MOK: variants seen among roughly 807,000 people sequenced by gnomAD.
MOK encodes MOK protein kinase.
A neutral mutation model predicts 54.2 loss-of-function variants in MOK; 59 were observed. The ratio of observed to expected loss-of-function variants is 1.09; its 90% CI spans 0.88 to 1.35. The LOEUF is 1.35. Among genes scored for constraint, MOK ranks in the 40% most tolerant of loss-of-function variants. The probability of loss-of-function intolerance (pLI) is 0.00; values close to 1 mark genes in which losing one functional copy is unlikely to be tolerated. For synonymous variants in MOK, 210 were observed against 202.7 expected, an observed-to-expected ratio of 1.04 and a Z score of -0.31; for missense variants, 517 against 526.2, an observed-to-expected ratio of 0.98 and a Z score of 0.17.
intron 1 of MOK, among the ~76,000 whole-genome samples, chr14:102,303,979 TA>T (rs1257035025): frequency 6.6e-6 from 1 of 152,258 alleles, no homozygotes; most frequent in African/African-American, 2.4e-5. Flanking sequence ...GCACTGTAAG[TA>T]AAAGTGTAAA....
downstream of MOK, among the ~76,000 whole-genome samples, chr14:102,227,805 G>T (rs1019102720): frequency 6.6e-6 from 1 of 152,138 alleles, no homozygotes; most frequent in African/African-American, 2.4e-5. Context: ...CATCTCCTGC[G>T]GCCCCGCTGT....
At chr14:102,278,223 T>A (rs1324143054) in intron 2 of MOK, among the ~76,000 whole-genome samples, 3 of 152,134 alleles carry the variant, frequency 2.0e-5, no homozygotes, top group African/African-American at 7.2e-5. Context: ...CCAGACAGAA[T>A]ACAGTATAAT....
chr14:102,215,835 T>A, the MOK span, among the ~76,000 whole-genome samples: 6 of 152,202 alleles, frequency 3.9e-5, no homozygotes, highest in Non-Finnish European at 8.8e-5. Context: ...TGATTTACAT[T>A]GTCTTACTAT....
chr14:102,283,394 T>C (rs2069675669), intron 2 of MOK, 84 bp downstream of exon 2: 2 of 798,294 alleles, frequency 2.5e-6, no homozygotes, highest in South Asian at 1.9e-5. Context: ...ATTAAATTAA[T>C]AAAGCTCCCC....
downstream of MOK, chr14:102,226,177 C>T: frequency 1.7e-6 from 1 of 599,816 alleles, no homozygotes. This position sits in a 1 kb window ranked among gnomAD's most constrained non-coding sequence, Gnocchi z 4.8. Flanking sequence ...ACTGCTTCTC[C>T]CTGCAAGGCC....
At chr14:102,268,669 A>G (rs2068102417) in intron 2 of MOK, among the ~76,000 whole-genome samples, 1 of 152,168 alleles carries the variant, frequency 6.6e-6, no homozygotes, top group Admixed American at 6.6e-5. Context: ...TAATCCCAGC[A>G]CTTTGGGAGG....
intron 1 of MOK, among the ~76,000 whole-genome samples, chr14:102,297,686 G>T (rs2071592902): frequency 6.6e-6 from 1 of 152,196 alleles, no homozygotes; most frequent in South Asian, 2.1e-4. Flanking sequence ...GGTGTGGAGG[G>T]AGAGGTGCAG....
chr14:102,274,225 G>A (rs1314909764), intron 2 of MOK, among the ~76,000 whole-genome samples: 1 of 149,960 alleles, frequency 6.7e-6, no homozygotes, highest in Admixed American at 6.7e-5. Context: ...CCAAAGTGCT[G>A]GGATTACAGG....
Position 102,232,634 on chromosome 14 carries a change from G to T in MOK, c.767C>A (p.Pro256Gln). Reference protein sequence around the residue: ...GIPLLTTNLSPQCLSLLHAMV... With the variant: ...GIPLLTTNLSQQCLSLLHAMV... ...TGCGTGCAGGAGGGAGAGGCATTGT[G>T]GGGACAAATTGGTTGTTAGTAGAGG... The change falls in exon 9 of 12, where the codon CCA (proline) becomes CAA (glutamine). Residue 256 changes from proline to glutamine, a missense_variant. By Grantham distance (76) the Pro-to-Gln change is moderately conservative (BLOSUM62 -1). Coordinates refer to ENST00000361847, the MANE Select transcript of MOK (RefSeq NM_014226.3). This position sits in a 1 kb window ranked among gnomAD's most constrained non-coding sequence, Gnocchi z 5.1. 1 of 1,614,046 alleles carries T rather than the reference G, an allele frequency of 6.2e-7. No individual in the cohort carries two copies. Among genetic ancestry groups the T allele is most frequent in the Non-Finnish European group, 8.5e-7 (1 of 1,179,944 alleles).
At chr14:102,251,876 A>G in intron 5 of MOK, 41 bp downstream of exon 5, 2 of 1,543,642 alleles carry the variant, frequency 1.3e-6, no homozygotes, top group Non-Finnish European at 1.8e-6. Context: ...ATGTTAACAC[A>G]TTTTATTAAT....
At chr14:102,281,373 C>A (rs1255849249) in intron 2 of MOK, among the ~76,000 whole-genome samples, 1 of 151,028 alleles carries the variant, frequency 6.6e-6, no homozygotes, top group Admixed American at 6.6e-5. Context: ...GTGGCTTGCA[C>A]CTGTAGTCCC....
chr14:102,270,929 C>T (rs6575905), intron 2 of MOK, among the ~76,000 whole-genome samples: 19,563 of 152,150 alleles, frequency 0.13, 1,740 homozygotes, highest in African/African-American at 0.25. Context: ...CAGTGGCTCA[C>T]GCCTATAATC....
downstream of MOK, among the ~76,000 whole-genome samples, chr14:102,227,608 G>A (rs2064304460): frequency 6.6e-6 from 1 of 151,992 alleles, no homozygotes; most frequent in African/African-American, 2.4e-5. Flanking sequence ...GAAAATTACG[G>A]CAAGCCTCAC....
chr14:102,220,351 A>G (rs1030019493), downstream of MOK, among the ~76,000 whole-genome samples: 1 of 152,254 alleles, frequency 6.6e-6, no homozygotes, highest in African/African-American at 2.4e-5. The surrounding 1 kb of genome is among the most constrained non-coding windows in gnomAD (Gnocchi z 4.2). Context: ...ACCACACAGC[A>G]CACCTCAAAG....
chr14:102,272,414 T>C (rs1157378386), intron 2 of MOK, among the ~76,000 whole-genome samples: 1 of 151,482 alleles, frequency 6.6e-6, no homozygotes. Context: ...GAGGCGGAGG[T>C]TGCAGTGAGC....
rs772097630 is a variant in MOK, at chr14:102,229,651, A to C, written c.988T>G (p.Ser330Ala). The change falls in exon 11 of 12, where the codon TCC becomes GCC. Residue 330 changes from serine to alanine, a missense_variant. By Grantham distance (99) the Ser-to-Ala change is moderately conservative. Transcript: ENST00000361847. ...ISKEGRKQKQ[S>A]LKQEEDRPKR... ...GGACGGTCCTCCTCTTGCTTTAGGG[A>C]CTGTTTCTTGAAACAGAACAGAGGC... is the stretch of plus-strand genomic sequence containing the variant. 1 of 1,607,538 alleles carries C rather than the reference A, an allele frequency of 6.2e-7. No homozygotes were observed. Among genetic ancestry groups the C allele is most frequent in the South Asian group, 1.1e-5 (1 of 90,386 alleles).
Position 102,229,545 on chromosome 14 carries a change from C to CT in MOK, c.1093dup (p.Ser365LysfsTer38), listed in dbSNP as rs1567125418. The CT allele has an allele frequency of 3.1e-6, 5 of 1,614,200 alleles. No homozygotes were observed. The highest frequency in any genetic ancestry group is 8.5e-7 in the Non-Finnish European group (1 of 1,180,038). Reference sequence around the variant, plus strand: ...TCCAAGCACGGACTGCAGCGTGGGGCTGGAGTAAGACGACAGTCTGACCAC... The same window carrying CT: ...TCCAAGCACGGACTGCAGCGTGGGGCTTGGAGTAAGACGACAGTCTGACCAC... On this transcript the variant is annotated frameshift_variant, in exon 11 of 12. Transcript: ENST00000361847. LOFTEE classifies it high-confidence loss of function.
intron 4 of MOK, 71 bp downstream of exon 4, chr14:102,263,475 A>G (rs2067641573): frequency 1.8e-6 from 2 of 1,101,438 alleles, no homozygotes; most frequent in Non-Finnish European, 2.7e-6. Context: ...GATGTTGAGA[A>G]TAACTAAGCA....
chr14:102,277,950 G>C (rs1475749944), intron 2 of MOK, among the ~76,000 whole-genome samples: 1 of 152,148 alleles, frequency 6.6e-6, no homozygotes, highest in East Asian at 1.9e-4. Flanking sequence ...CCCCCAATGG[G>C]ATGATATGAG....
Sources: allele counts gnomAD v4.1 joint callset (sites outside exome capture counted in the v4.1 genomes callset), GRCh38; gene constraint gnomAD v4.1.1; non-coding constraint Gnocchi (gnomAD v3.1); transcripts MANE v1.5; gene names NCBI Gene and HGNC (gene_info 2026-07-23, HGNC 2026-07-21).